The following EIF3E variants were observed in gnomAD, a reference collection of about 807,000 sequenced individuals.
EIF3E encodes eIF-3 p48.
In EIF3E, 25 loss-of-function variants were observed where a neutral mutation model predicts 59.3. The observed-to-expected ratio is 0.42, with a 90% confidence interval of 0.31 to 0.59. The LOEUF is 0.59. Ranked by LOEUF, EIF3E falls within the 20% of genes least tolerant of loss-of-function variation. The pLI is 0.15. For missense variants in EIF3E, 317 were observed against 534.3 expected, an observed-to-expected ratio of 0.59 and a Z score of 4.01; for synonymous variants, 176 against 170.2, an observed-to-expected ratio of 1.03 and a Z score of -0.26.
intron 1 of EIF3E, among the ~76,000 whole-genome samples, chr8:108,244,372 G>C (rs985084000): frequency 6.6e-6 from 1 of 152,120 alleles, no homozygotes; most frequent in Non-Finnish European, 1.5e-5. Flanking sequence ...TCAACCTCTT[G>C]AAAACATATT....
At chr8:108,244,011 A>G (rs1815895809) in intron 1 of EIF3E, among the ~76,000 whole-genome samples, 1 of 152,188 alleles carries the variant, frequency 6.6e-6, no homozygotes, top group African/African-American at 2.4e-5. Context: ...ATGCCTCTCA[A>G]TTCTGCCTCA....
chr8:108,207,381 C>T (rs1815121715), intron 10 of EIF3E, among the ~76,000 whole-genome samples: 1 of 152,102 alleles, frequency 6.6e-6, no homozygotes, highest in Admixed American at 6.6e-5. Context: ...GTGTAATATC[C>T]TATCAAAGCT....
intron 4 of EIF3E, among the ~76,000 whole-genome samples, chr8:108,235,360 T>C (rs907988244): frequency 6.6e-6 from 1 of 152,222 alleles, no homozygotes; most frequent in Admixed American, 6.5e-5. Flanking sequence ...GGTTTCAGGA[T>C]GAACTGTTCC....
chr8:108,245,852 C>A (rs1815938083), intron 1 of EIF3E, among the ~76,000 whole-genome samples: 1 of 152,204 alleles, frequency 6.6e-6, no homozygotes, highest in African/African-American at 2.4e-5. Flanking sequence ...AGCTTATATT[C>A]TCCAATGTAC....
At chr8:108,214,967 T>C (rs1190657772) in intron 9 of EIF3E, among the ~76,000 whole-genome samples, 1 of 152,240 alleles carries the variant, frequency 6.6e-6, no homozygotes, top group Admixed American at 6.5e-5. Flanking sequence ...CAAAGTTTGG[T>C]ACTATCCATT....
At chr8:108,225,605 A>G (rs1478491850) in intron 7 of EIF3E, among the ~76,000 whole-genome samples, 1 of 151,510 alleles carries the variant, frequency 6.6e-6, no homozygotes, top group Non-Finnish European at 1.5e-5. Flanking sequence ...TTTAAAAACT[A>G]TTTCTTGTTG....
chr8:108,242,090 G>A, intron 1 of EIF3E, 177 bp from the exon 2 acceptor site: 5 of 1,453,570 alleles, frequency 3.4e-6, no homozygotes, highest in Non-Finnish European at 4.6e-6. Context: ...CCAACCTATA[G>A]ACGTAAAAGT....
At position 108,238,041 on chromosome 8, in the gene EIF3E, T is replaced by C. The variant is rs558379135; in HGVS notation, c.324-1838A>G. 4.6e-5 allele frequency among the ~76,000 whole-genome samples: 7 copies of C among 152,330 alleles called. No individual in the cohort carries two copies. In the East Asian group the frequency reaches 1.4e-3, roughly 29 times the overall value. On this transcript the variant is annotated intron_variant, in intron 3 of 12. Coordinates refer to ENST00000220849, the MANE Select transcript of EIF3E (RefSeq NM_001568.3). ...TTTCTAACTGGTGAACACATGTACA[T>C]TCATCTTATTCATGCTCTGATCCCA...
chr8:108,203,526 A>G (rs1257082867), intron 10 of EIF3E, 23 bp from the exon 11 acceptor site: 3 of 1,599,324 alleles, frequency 1.9e-6, no homozygotes, highest in Non-Finnish European at 2.6e-6. Context: ...TAAAAACAGC[A>G]ATGTTAATTA....
In EIF3E at chr8:108,235,000, G is replaced by C; in HGVS notation, c.469C>G (p.Leu157Val). 1 of 1,463,508 alleles carries C rather than the reference G, an allele frequency of 6.8e-7. No homozygotes were observed. The highest frequency in any genetic ancestry group is 9.4e-7 in the Non-Finnish European group (1 of 1,068,932). 90.7% of individuals were successfully genotyped at this position (1,463,508 alleles called of 1,614,324 possible). Residue 157 changes from leucine (L) to valine (V), a missense_variant and splice_region_variant, in exon 5 of 13, where the codon CTG becomes GTG. This residue lies in a region of EIF3E where 242 missense variants were observed against 398.0 expected (regional missense o/e 0.61). Transcript: ENST00000220849. ...AAAAAACATGTACTTATACTTACCAGCACTCTAAAAAAATAAAGATATTCT... is the reference window on the plus strand; with the variant it reads ...AAAAAACATGTACTTATACTTACCACCACTCTAAAAAAATAAAGATATTCT... ...AAEYLYFFRV[L>V]VPATDRNALS... is the part of the protein sequence containing the mutation.
At chr8:108,222,569 T>G (rs1241460799) in intron 7 of EIF3E, among the ~76,000 whole-genome samples, 1 of 152,204 alleles carries the variant, frequency 6.6e-6, no homozygotes, top group African/African-American at 2.4e-5. Context: ...TTTTAACAGT[T>G]AGCCTACCAA....
At chr8:108,247,798 C>G (rs556935312) in intron 1 of EIF3E, among the ~76,000 whole-genome samples, 102 of 152,264 alleles carry the variant, frequency 6.7e-4, no homozygotes, top group Non-Finnish European at 1.1e-3. Context: ...GCATCAATTT[C>G]CCAATAAACT....
chr8:108,214,986 T>A (rs1416423494), intron 9 of EIF3E, among the ~76,000 whole-genome samples: 2 of 152,228 alleles, frequency 1.3e-5, no homozygotes, highest in East Asian at 1.9e-4. Flanking sequence ...TTATTCTACA[T>A]AAATGCTCTG....
At position 108,232,263 on chromosome 8, in the gene EIF3E, C is replaced by A. The variant is rs1210178907; in HGVS notation, c.471+2735G>T. On this transcript the variant is annotated intron_variant, in intron 5 of 12. Coordinates refer to ENST00000220849, the MANE Select transcript of EIF3E (RefSeq NM_001568.3). ...CCAACAGGAAGCAACAAACTCTCGCCTAACACAAATGTTTTGTGGCTCAGA... is the reference window on the plus strand; with the variant it reads ...CCAACAGGAAGCAACAAACTCTCGCATAACACAAATGTTTTGTGGCTCAGA... Among the ~76,000 whole-genome samples, 3 of 152,126 alleles carry A rather than the reference C, an allele frequency of 2.0e-5. No homozygotes were observed. In the East Asian group the frequency reaches 5.8e-4, roughly 29 times the overall value.
At chr8:108,234,904 A>C in intron 5 of EIF3E, 94 bp downstream of exon 5, 1 of 674,650 alleles carries the variant, frequency 1.5e-6, no homozygotes, top group East Asian at 3.2e-5. Flanking sequence ...CTTAATGAAC[A>C]GACCCAAATC....
At chr8:108,226,492 G>A (rs604698) in intron 7 of EIF3E, among the ~76,000 whole-genome samples, 76,358 of 152,032 alleles carry the variant, frequency 0.5, 19,241 homozygotes, top group African/African-American at 0.58. Context: ...CACTGCGCCC[G>A]GCCTACATTC....
intron 7 of EIF3E, 138 bp from the exon 8 acceptor site, chr8:108,217,598 C>T (rs1165774418): frequency 1.6e-5 from 10 of 637,978 alleles, no homozygotes; most frequent in Non-Finnish European, 2.4e-5. Context: ...AGAAAATCTC[C>T]TCCAAGGAAA....
chr8:108,201,911 C>T lies in EIF3E; in HGVS notation c.1312G>A (p.Ala438Thr). Residue 438 changes from alanine (A) to threonine (T), a missense_variant, in exon 13 of 13, where the codon GCA becomes ACA. Coordinates refer to ENST00000220849, the MANE Select transcript of EIF3E (RefSeq NM_001568.3). ...CAGTAGAAGCCAGAATCTTGAGTTG[C>T]CCAGTTAGGAGCCTAAAATATGCAA... is the stretch of plus-strand genomic sequence containing the variant. ...QNSRSEAPNW[A>T]TQDSGFY The T allele has an allele frequency of 6.4e-7, 1 of 1,573,852 alleles. No homozygotes were observed. Among genetic ancestry groups the T allele is most frequent in the South Asian group, 1.2e-5 (1 of 82,026 alleles).
chr8:108,240,073 A>C lies in EIF3E; in HGVS notation c.208T>G (p.Leu70Val). The change falls in exon 3 of 13, where the codon TTG (leucine) becomes GTG (valine). Residue 70 changes from leucine to valine, a missense_variant and splice_region_variant. By Grantham distance (32) the Leu-to-Val change is conservative. Coordinates refer to ENST00000220849, the MANE Select transcript of EIF3E (RefSeq NM_001568.3). ...NLYSDDIPHA[L>V]REKRTTVVAQ... ...ACCACTGTGGTTCTTTTCTCTCTCAAAGCTAATTAAAAATGCAGAAGAGCA... is the reference window on the plus strand; with the variant it reads ...ACCACTGTGGTTCTTTTCTCTCTCACAGCTAATTAAAAATGCAGAAGAGCA... 1 of 1,611,722 alleles carries C rather than the reference A, an allele frequency of 6.2e-7. No homozygotes were observed. Among genetic ancestry groups the C allele is most frequent in the Non-Finnish European group, 8.5e-7 (1 of 1,177,910 alleles).
Sources: allele counts gnomAD v4.1 joint callset (sites outside exome capture counted in the v4.1 genomes callset), GRCh38; gene constraint gnomAD v4.1.1; regional missense constraint gnomAD v4.1.1; transcripts MANE v1.5; gene names NCBI Gene and HGNC (gene_info 2026-07-23, HGNC 2026-07-21).